The following KPNB1 variants were observed in gnomAD, a reference collection of about 807,000 sequenced individuals.
KPNB1 encodes the protein karyopherin subunit beta 1.
KPNB1 carries 7 observed loss-of-function variants against 113.0 expected under a neutral mutation model. That is an observed-to-expected ratio of 0.06 (90% confidence interval 0.04 to 0.12). KPNB1 has a LOEUF of 0.12. KPNB1 is among the 10% of genes least tolerant of loss of function. The pLI is 1.00. For missense variants in KPNB1, 400 were observed against 1,054.8 expected (o/e 0.38, Z 8.60); for synonymous variants, 363 against 378.6 (o/e 0.96, Z 0.48).
At chr17:47,670,628 T>C in intron 11 of KPNB1, 74 bp from the exon 12 acceptor site, 1 of 1,470,314 alleles carries the variant, frequency 6.8e-7, no homozygotes, top group Non-Finnish European at 9.2e-7. Context: ...GCCCAAAGTA[T>C]CTTAATGAAA....
At chr17:47,676,299 AC>A in intron 15 of KPNB1, 109 bp from the exon 16 acceptor site, 1 of 790,156 alleles carries the variant, frequency 1.3e-6, no homozygotes, top group Admixed American at 2.1e-5. Context: ...ATTTCACCCA[AC>A]CTGTTGAGTG....
At chr17:47,672,248 T>G (rs906989062) in intron 12 of KPNB1, among the ~76,000 whole-genome samples, 2 of 151,964 alleles carry the variant, frequency 1.3e-5, no homozygotes, top group African/African-American at 4.8e-5. Context: ...CCTCAGGTGA[T>G]CTGCCCACCT....
At position 47,649,934 on chromosome 17, in the gene KPNB1, G is replaced by T. The variant is rs555933603; in HGVS notation, c.-311G>T. ...CTCCCTCGCTCCCTCCCTGCGCGCC[G>T]CCTCTCACTCACAGCCTCCCTTCCT... is the stretch of plus-strand genomic sequence containing the variant. On this transcript the variant is annotated 5_prime_UTR_variant, in exon 1 of 22. Coordinates refer to ENST00000290158, the MANE Select transcript of KPNB1 (RefSeq NM_002265.6). The T allele has an allele frequency of 7.8e-6, 10 of 1,274,206 alleles. No homozygotes were observed. Among genetic ancestry groups the T allele is most frequent in the East Asian group, 3.4e-5 (1 of 29,572 alleles). 78.9% of individuals were successfully genotyped at this position (1,274,206 alleles called of 1,614,324 possible). A position where few individuals can be genotyped will look rare whatever the true frequency, so the allele number is the denominator to read the frequency against.
chr17:47,652,324 A>G (rs1434516709), intron 2 of KPNB1, among the ~76,000 whole-genome samples: 1 of 152,204 alleles, frequency 6.6e-6, no homozygotes, highest in Non-Finnish European at 1.5e-5. Flanking sequence ...GACATTATTA[A>G]AAGTTCTTGG....
At chr17:47,673,353 G>T in intron 13 of KPNB1, 137 bp from the exon 14 acceptor site, 1 of 865,446 alleles carries the variant, frequency 1.2e-6, no homozygotes, top group Non-Finnish European at 1.8e-6. Flanking sequence ...ACTCATATAT[G>T]TGTTACACTA....
chr17:47,682,024 A>G (rs566522903), intron 21 of KPNB1, among the ~76,000 whole-genome samples: 1 of 151,800 alleles, frequency 6.6e-6, no homozygotes, highest in Non-Finnish European at 1.5e-5. Flanking sequence ...TAGAGACAAG[A>G]TCTCCTGTTG....
chr17:47,677,064 C>T lies in KPNB1; in HGVS notation c.2040C>T (p.Ala680=), dbSNP rs759867632. 2 of 1,614,010 alleles carry T rather than the reference C, an allele frequency of 1.2e-6. No homozygotes were observed. The highest frequency in any genetic ancestry group is 2.2e-5 in the South Asian group (2 of 91,074). ...GCTTAGTGGGAGACTTGTGCCGTGC[C>T]CTGCAATCCAACATCATACCTTTCT... ...AVGLVGDLCR[A]LQSNIIPFCD... is the part of the protein sequence containing the mutation. The change falls in exon 17 of 22, where the codon GCC becomes GCT. Residue 680 remains alanine (A), a synonymous_variant. Coordinates refer to ENST00000290158, the MANE Select transcript of KPNB1 (RefSeq NM_002265.6).
Position 47,665,051 on chromosome 17 carries a change from C to T in KPNB1, c.898-6C>T, listed in dbSNP as rs758661143. ...TTTGTCTAGAATTTGCTTTGTTTCTCCTCAGGCAGCAGAACAAGGACGGCC... is the reference window on the plus strand; with the variant it reads ...TTTGTCTAGAATTTGCTTTGTTTCTTCTCAGGCAGCAGAACAAGGACGGCC... On this transcript the variant is annotated splice_polypyrimidine_tract_variant and splice_region_variant and intron_variant, in intron 8 of 21. Transcript: ENST00000290158. 5 of 1,613,330 alleles carry T rather than the reference C, an allele frequency of 3.1e-6. No individual in the cohort carries two copies. The highest frequency in any genetic ancestry group is 1.3e-5 in the African/African-American group (1 of 74,884).
intron 6 of KPNB1, among the ~76,000 whole-genome samples, chr17:47,662,856 C>T (rs561181202): frequency 1.3e-5 from 2 of 152,218 alleles, no homozygotes; most frequent in East Asian, 1.9e-4. Context: ...GCACTCCAGC[C>T]TGGGCAACAG....
intron 9 of KPNB1, among the ~76,000 whole-genome samples, chr17:47,665,444 C>T (rs2030239233): frequency 6.6e-6 from 1 of 152,174 alleles, no homozygotes; most frequent in Non-Finnish European, 1.5e-5. Flanking sequence ...GAAAGGTGCT[C>T]TGTCAAAGCT....
Position 47,680,680 on chromosome 17 carries a change from G to C in KPNB1, c.2630+11G>C, listed in dbSNP as rs933378878. 2 of 1,611,834 alleles carry C rather than the reference G, an allele frequency of 1.2e-6. No homozygotes were observed. The highest frequency in any genetic ancestry group is 2.7e-5 in the African/African-American group (2 of 74,810). ...GAAGAACCAAGCTTGGTAAGATCTT[G>C]CCTCCACTGTCCTCTTTCTTCTACT... is the stretch of plus-strand genomic sequence containing the variant. On this transcript the variant is annotated intron_variant, in intron 21 of 21. Transcript: ENST00000290158.
At chr17:47,670,893 G>T (rs2030424589) in intron 12 of KPNB1, 61 bp downstream of exon 12, 5 of 1,413,928 alleles carry the variant, frequency 3.5e-6, no homozygotes, top group Non-Finnish European at 4.0e-6. Context: ...TGCCTTCTGT[G>T]TGGAGGATAT....
chr17:47,681,518 C>T (rs1248391189), intron 21 of KPNB1, among the ~76,000 whole-genome samples: 1 of 151,524 alleles, frequency 6.6e-6, no homozygotes, highest in Non-Finnish European at 1.5e-5. Flanking sequence ...GTGATCCACC[C>T]ACCTCGGCCT....
At chr17:47,653,508 C>T (rs1915637788) in intron 3 of KPNB1, among the ~76,000 whole-genome samples, 1 of 152,242 alleles carries the variant, frequency 6.6e-6, no homozygotes. Flanking sequence ...TCCCAAAGTG[C>T]TGGGATTACA....
At position 47,683,104 on chromosome 17, in the gene KPNB1, A is replaced by AC. The variant is rs1367950705; in HGVS notation, c.*700_*701insC. 2.7e-5 allele frequency: 4 copies of AC among 147,062 alleles called. No individual in the cohort carries two copies. The highest frequency in any genetic ancestry group is 4.5e-5 in the Non-Finnish European group (3 of 66,754). 9.1% of individuals were successfully genotyped at this position (147,062 alleles called of 1,614,324 possible). A position where few individuals can be genotyped will look rare whatever the true frequency, so the allele number is the denominator to read the frequency against. On this transcript the variant is annotated 3_prime_UTR_variant, in exon 22 of 22. Transcript: ENST00000290158. Reference sequence around the variant, plus strand: ...CACAAGAGATGTAAAAAAAAAAAAAAAAAAAAAAAAAAAAACACACACACA... The same window carrying AC: ...CACAAGAGATGTAAAAAAAAAAAAAACAAAAAAAAAAAAAAACACACACACA...
At chr17:47,681,698 T>G (rs12601310) in intron 21 of KPNB1, among the ~76,000 whole-genome samples, 3 of 145,684 alleles carry the variant, frequency 2.1e-5, no homozygotes, top group South Asian at 2.2e-4. Context: ...TTTTTTTTTT[T>G]TTTTTTTTTT....
rs776668782 is a variant in KPNB1 at position 47,670,745 on chromosome 17, T to G, written c.1460T>G (p.Val487Gly). ...LAEAAYEAAD[V>G]ADDQEEPATY... ...GAAGCTGCTTATGAAGCTGCAGACG[T>G]TGCTGATGATCAGGAAGAACCAGCT... The change falls in exon 12 of 22, where the codon GTT (valine) becomes GGT (glycine). Residue 487 changes from valine to glycine, a missense_variant. Coordinates refer to ENST00000290158, the MANE Select transcript of KPNB1 (RefSeq NM_002265.6). The G allele has an allele frequency of 6.2e-7, 1 of 1,613,500 alleles. No homozygotes were observed. The highest frequency in any genetic ancestry group is 8.5e-7 in the Non-Finnish European group (1 of 1,179,426).
intron 3 of KPNB1, among the ~76,000 whole-genome samples, chr17:47,654,777 A>G (rs997840122): frequency 2.0e-5 from 3 of 152,208 alleles, no homozygotes; most frequent in Non-Finnish European, 4.4e-5. Context: ...TGCACTCCAC[A>G]TATGTACTAG....
Position 47,677,053 on chromosome 17 carries a change from T to A in KPNB1, c.2029T>A (p.Leu677Met), listed in dbSNP as rs368599936. ...GGCAGCTGTGGGCTTAGTGGGAGAC[T>A]TGTGCCGTGCCCTGCAATCCAACAT... ...CLAAVGLVGD[L>M]CRALQSNIIP... The change falls in exon 17 of 22, where the codon TTG (leucine) becomes ATG (methionine). Residue 677 changes from leucine (L) to methionine (M), a missense_variant. Transcript: ENST00000290158. The A allele has an allele frequency of 9.9e-6, 16 of 1,613,984 alleles. No individual in the cohort carries two copies. Among genetic ancestry groups the A allele is most frequent in the Non-Finnish European group, 1.2e-5 (14 of 1,180,030 alleles).
Sources: gnomAD v4.1 joint callset for allele counts (sites outside exome capture counted in the v4.1 genomes callset) on GRCh38, gnomAD v4.1.1 for gene constraint, MANE v1.5 for transcripts, NCBI Gene and HGNC (gene_info 2026-07-23, HGNC 2026-07-21) for gene names.